Variants in GPNMB observed in about 807,000 individuals in gnomAD.
GPNMB encodes the protein transmembrane glycoprotein NMB.
GPNMB carries 71 observed loss-of-function variants against 57.3 expected under a neutral mutation model. The observed-to-expected ratio is 1.24, with a 90% confidence interval of 1.02 to 1.51. The LOEUF (loss-of-function observed/expected upper bound fraction) is 1.51, where lower values mean the gene tolerates loss of function less well. GPNMB is among the 40% of genes most tolerant of loss of function. The pLI is 0.00. For missense variants in GPNMB, 677 were observed against 691.9 expected, an observed-to-expected ratio of 0.98 and a Z score of 0.24; for synonymous variants, 253 against 263.2, an observed-to-expected ratio of 0.96 and a Z score of 0.38.
chr7:23,268,190 T>C (rs77906578), intron 8 of GPNMB, among the ~76,000 whole-genome samples: 1,757 of 152,348 alleles, frequency 0.012, 35 homozygotes, highest in African/African-American at 0.04. Flanking sequence ...GTTGAGCAAT[T>C]GAGAAAGCTT....
chr7:23,258,053 A>T (rs1043652446), intron 4 of GPNMB: 2 of 152,162 alleles, frequency 1.3e-5, no homozygotes, highest in Non-Finnish European at 2.9e-5. Flanking sequence ...GACCTAGCCC[A>T]TTCTGTCTTT....
chr7:23,257,579 G>C (rs1386253564), intron 4 of GPNMB: 1 of 159,248 alleles, frequency 6.3e-6, no homozygotes, highest in African/African-American at 2.4e-5. Flanking sequence ...GGCTGAGGCA[G>C]GAGAATCACT....
intron 6 of GPNMB, among the ~76,000 whole-genome samples, chr7:23,264,975 G>C (rs1254948005): frequency 3.9e-5 from 6 of 152,284 alleles, no homozygotes; most frequent in African/African-American, 1.4e-4. Flanking sequence ...TGAATCTCAG[G>C]ACAGACAGAA....
chr7:23,264,852 A>G (rs1216183620), intron 6 of GPNMB, among the ~76,000 whole-genome samples: 1 of 152,206 alleles, frequency 6.6e-6, no homozygotes, highest in South Asian at 2.1e-4. Flanking sequence ...CTTGACAACT[A>G]AATTCTGCCT....
At chr7:23,270,214 G>A in intron 9 of GPNMB, 39 bp downstream of exon 9, 2 of 1,390,314 alleles carry the variant, frequency 1.4e-6, no homozygotes, top group Non-Finnish European at 2.0e-6. Context: ...ATTTCATACT[G>A]CAAGTAAAGT....
intron 8 of GPNMB, among the ~76,000 whole-genome samples, 167 bp from the exon 9 acceptor site, chr7:23,269,800 A>G (rs1262678557): frequency 6.6e-6 from 1 of 152,240 alleles, no homozygotes; most frequent in Non-Finnish European, 1.5e-5. Context: ...GGCTTGCTTA[A>G]GAGCAGATTA....
At chr7:23,268,071 C>G (rs1273829137) in intron 8 of GPNMB, 83 bp downstream of exon 8, 2 of 815,544 alleles carry the variant, frequency 2.5e-6, no homozygotes, top group Admixed American at 2.0e-5. Flanking sequence ...CACCAGTTAC[C>G]CCTTTTAAGT....
Position 23,274,100 on chromosome 7 carries a change from C to T in GPNMB, c.1559C>T (p.Pro520Leu), listed in dbSNP as rs780635369. 6.2e-6 allele frequency: 10 copies of T among 1,612,434 alleles called. No individual in the cohort carries two copies. The South Asian group carries it at 9.9e-5, about 16-fold the overall frequency. Residue 520 changes from proline to leucine, a missense_variant, in exon 11 of 11, where the codon CCT (proline) becomes CTT (leucine). Transcript: ENST00000258733. ...GAATACAACCCAATAGAAAATAGTC[C>T]TGGGAATGTGGTCAGAAGCAAAGGC... ...HKEYNPIENS[P>L]GNVVRSKGLS...
chr7:23,254,228 A>G lies in GPNMB; in HGVS notation c.283A>G (p.Thr95Ala). ...ACCAGCCCTCGTGGGCTCAAATATA[A>G]CATTTGCGGTGAACCTGATATTCCC... The part of the protein sequence containing the change: ...DSPALVGSNI[T>A]FAVNLIFPRC... Residue 95 changes from threonine (T) to alanine (A), a missense_variant, in exon 3 of 11, where the codon ACA becomes GCA. Thr to Ala is a moderately conservative substitution (Grantham distance 58). Coordinates refer to ENST00000258733, the MANE Select transcript of GPNMB (RefSeq NM_002510.3). 2.5e-6 allele frequency: 4 copies of G among 1,614,016 alleles called. No individual in the cohort carries two copies. The highest frequency in any genetic ancestry group is 3.4e-6 in the Non-Finnish European group (4 of 1,179,898).
At chr7:23,254,413 C>G in intron 3 of GPNMB, 101 bp downstream of exon 3, 1 of 873,102 alleles carries the variant, frequency 1.1e-6, no homozygotes, top group Non-Finnish European at 1.8e-6. Context: ...TCATCCCTTG[C>G]CACTGCACTC....
rs753996624 is a variant in GPNMB, at chr7:23,266,502, A to G, written c.1019-15A>G. 1 of 1,610,702 alleles carries G rather than the reference A, an allele frequency of 6.2e-7. No individual in the cohort carries two copies. Among genetic ancestry groups the G allele is most frequent in the African/African-American group, 1.3e-5 (1 of 74,806 alleles). On this transcript the variant is annotated splice_polypyrimidine_tract_variant and intron_variant, in intron 6 of 10. Coordinates refer to ENST00000258733, the MANE Select transcript of GPNMB (RefSeq NM_002510.3). ...GTAGCAACTACTCTAAAATCTTATGATTCAAACACCCCAGGACCTGCTGGT... is the reference window on the plus strand; with the variant it reads ...GTAGCAACTACTCTAAAATCTTATGGTTCAAACACCCCAGGACCTGCTGGT...
At chr7:23,266,167 G>T (rs550085293) in intron 6 of GPNMB, 37 of 205,932 alleles carry the variant, frequency 1.8e-4, no homozygotes, top group East Asian at 9.3e-4. Flanking sequence ...GTCAGGATGG[G>T]CTCGATCTCC....
At chr7:23,251,277 G>A (rs1363863922) in intron 1 of GPNMB, among the ~76,000 whole-genome samples, 1 of 152,128 alleles carries the variant, frequency 6.6e-6, no homozygotes, top group African/African-American at 2.4e-5. Context: ...CATCCAATAT[G>A]GCTTCTCTGA....
chr7:23,267,748 T>A, intron 7 of GPNMB, 138 bp from the exon 8 acceptor site: 2 of 686,162 alleles, frequency 2.9e-6, no homozygotes, highest in Non-Finnish European at 5.2e-6. Context: ...ACCCCCCTCC[T>A]AATGCTATCA....
chr7:23,262,173 A>C lies in GPNMB; in HGVS notation c.1018+1400A>C, dbSNP rs556152286. Reference sequence around the variant, plus strand: ...AAAATGAGAGCTTGTTAAATCAAGCATATCTAAGTCAAGACAACACAAGTT... The same window carrying C: ...AAAATGAGAGCTTGTTAAATCAAGCCTATCTAAGTCAAGACAACACAAGTT... On this transcript the variant is annotated intron_variant, in intron 6 of 10. Transcript: ENST00000258733. Among the ~76,000 whole-genome samples the C allele has an allele frequency of 2.0e-5, 3 of 152,376 alleles. No homozygotes were observed. The South Asian group carries it at 6.2e-4, about 32-fold the overall frequency.
At chr7:23,259,895 A>G in intron 4 of GPNMB, 85 bp from the exon 5 acceptor site, 2 of 1,277,314 alleles carry the variant, frequency 1.6e-6, no homozygotes, top group Non-Finnish European at 2.2e-6. Flanking sequence ...CAATCTATAA[A>G]TGGTGGTAGC....
chr7:23,265,504 G>A (rs1739252442), intron 6 of GPNMB, among the ~76,000 whole-genome samples: 1 of 152,058 alleles, frequency 6.6e-6, no homozygotes, highest in African/African-American at 2.4e-5. Flanking sequence ...TTATATTCAA[G>A]GCTTATTTTT....
Position 23,259,023 on chromosome 7 carries a change from T to C in GPNMB, c.542-957T>C, listed in dbSNP as rs142197659. Reference sequence around the variant, plus strand: ...TACAGAGTTTTAAAATTTGTTTAAATGTCCTTGAGCCCTGAAGGAGAGGAA... The same window carrying C: ...TACAGAGTTTTAAAATTTGTTTAAACGTCCTTGAGCCCTGAAGGAGAGGAA... On this transcript the variant is annotated intron_variant, in intron 4 of 10. Transcript: ENST00000258733. Among the ~76,000 whole-genome samples, 416 of 152,320 alleles carry C rather than the reference T, an allele frequency of 2.7e-3. 3 individuals carry two copies. The highest frequency in any genetic ancestry group is 9.3e-3 in the African/African-American group (388 of 41,564).
chr7:23,266,797 C>A (rs557818466), intron 7 of GPNMB, among the ~76,000 whole-genome samples, 182 bp downstream of exon 7: 5 of 152,186 alleles, frequency 3.3e-5, no homozygotes, highest in Non-Finnish European at 7.3e-5. Context: ...ACCTGCCTCC[C>A]CGGCCTTCCT....
Sources: allele counts gnomAD v4.1 joint callset (sites outside exome capture counted in the v4.1 genomes callset), GRCh38; gene constraint gnomAD v4.1.1; transcripts MANE v1.5; gene names NCBI Gene and HGNC (gene_info 2026-07-23, HGNC 2026-07-21).